The following PEMT variants were observed in gnomAD, a reference collection of about 807,000 sequenced individuals.
PEMT encodes the protein phospholipid methyltransferase.
In PEMT, 23 loss-of-function variants were observed where a neutral mutation model predicts 27.4. The observed-to-expected ratio is 0.84, with a 90% CI of 0.60 to 1.19. The LOEUF (loss-of-function observed/expected upper bound fraction) is 1.19. PEMT is among the 50% of genes most tolerant of loss of function. The probability of loss-of-function intolerance (pLI) is 0.00; values close to 1 mark genes in which losing one functional copy is unlikely to be tolerated. For synonymous variants in PEMT, 137 were observed against 139.1 expected (o/e 0.98, Z 0.11); for missense variants, 307 against 310.1 (o/e 0.99, Z 0.07).
chr17:17,569,395 C>T (rs1451874683), intron 2 of PEMT, among the ~76,000 whole-genome samples: 1 of 152,146 alleles, frequency 6.6e-6, no homozygotes, highest in Non-Finnish European at 1.5e-5. Context: ...AGGGGAGGAG[C>T]TGCACACTGA....
chr17:17,522,205 G>T (rs1359380196), intron 3 of PEMT, 75 bp downstream of exon 3: 2 of 1,071,856 alleles, frequency 1.9e-6, no homozygotes, highest in Non-Finnish European at 2.9e-6. Context: ...GCGTGGTGAG[G>T]GATGAGGTAC....
intron 3 of PEMT, among the ~76,000 whole-genome samples, chr17:17,521,688 T>C (rs12935886): frequency 0.61 from 92,216 of 151,928 alleles, 28,790 homozygotes; most frequent in African/African-American, 0.74. Context: ...CCTCAGCCTC[T>C]CGAGTAGCTG....
intron 5 of PEMT, chr17:17,507,096 C>G: frequency 6.9e-7 from 1 of 1,449,272 alleles, no homozygotes; most frequent in Non-Finnish European, 9.5e-7. Context: ...CACCAAGGAG[C>G]CCGGGCGCAG....
chr17:17,528,590 C>A (rs1907866267), intron 2 of PEMT, among the ~76,000 whole-genome samples: 1 of 152,230 alleles, frequency 6.6e-6, no homozygotes, highest in Non-Finnish European at 1.5e-5. Context: ...CCCCAGGGTA[C>A]CTGTAGGTGA....
chr17:17,552,445 G>A (rs1481041578), intron 2 of PEMT, among the ~76,000 whole-genome samples: 2 of 152,178 alleles, frequency 1.3e-5, no homozygotes, highest in Non-Finnish European at 2.9e-5. Context: ...TGCCTGAAAC[G>A]GCCACCACCG....
chr17:17,586,264 GAAAGAAAGAAAGAAAGAAAGAAAGAA>G (rs1912283320), intron 1 of PEMT, among the ~76,000 whole-genome samples: 11 of 109,756 alleles, frequency 1.0e-4, no homozygotes, highest in African/African-American at 1.2e-4. Flanking sequence ...AAGAAAGAAA[GAAAGAAAGAAAGAAAGAAAGAAAGAA>G]AAAAAAAAAC....
At chr17:17,548,562 T>C (rs2142633355) in intron 2 of PEMT, among the ~76,000 whole-genome samples, 1 of 152,316 alleles carries the variant, frequency 6.6e-6, no homozygotes, top group East Asian at 1.9e-4. Context: ...GGTCTTTTTT[T>C]TTTGAGACGC....
chr17:17,512,517 G>T lies in PEMT; in HGVS notation c.458C>A (p.Thr153Asn). 6.2e-7 allele frequency: 1 copy of T among 1,600,112 alleles called. No homozygotes were observed. The highest frequency in any genetic ancestry group is 1.7e-4 in the Middle Eastern group (1 of 6,018). ...SSFFALGFAG[T>N]FLGDYFGILK... ...AGCCCTCAGGGTCTTACCTAGGAAA[G>T]TTCCAGCGAACCCCAGTGCAAAGAA... Residue 153 changes from threonine (T) to asparagine (N), a missense_variant, in exon 4 of 7, where the codon ACT (threonine) becomes AAT (asparagine). Coordinates refer to ENST00000255389, the MANE Select transcript of PEMT (RefSeq NM_148172.3). This position sits in a 1 kb window ranked among gnomAD's most constrained non-coding sequence, Gnocchi z 6.3.
intron 3 of PEMT, among the ~76,000 whole-genome samples, chr17:17,517,431 G>A (rs964553967): frequency 6.6e-5 from 10 of 152,124 alleles, no homozygotes; most frequent in Non-Finnish European, 1.2e-4. Flanking sequence ...TTGCTCCATC[G>A]GAAGCAAACT....
At chr17:17,511,787 T>G (rs1284815896) in intron 4 of PEMT, among the ~76,000 whole-genome samples, 1 of 151,898 alleles carries the variant, frequency 6.6e-6, no homozygotes, top group Non-Finnish European at 1.5e-5. Context: ...GGCCCCCTCT[T>G]GTCCCCCACC....
intron 2 of PEMT, among the ~76,000 whole-genome samples, chr17:17,563,685 G>A (rs1397116390): frequency 6.6e-6 from 1 of 152,206 alleles, no homozygotes; most frequent in Admixed American, 6.5e-5. Flanking sequence ...GGACCGCTGT[G>A]TGCCTGGAGC....
At chr17:17,509,675 CAG>C (rs1906205469) in intron 4 of PEMT, 130 bp from the exon 5 acceptor site, 7 of 687,256 alleles carry the variant, frequency 1.0e-5, no homozygotes, top group Admixed American at 2.6e-5. Flanking sequence ...CAGGAGACTT[CAG>C]AGAGTTCAAC....
chr17:17,506,879 C>T (rs1489952352), intron 5 of PEMT: 4 of 474,174 alleles, frequency 8.4e-6, no homozygotes, highest in Non-Finnish European at 1.5e-5. Context: ...CAGCCCTCAA[C>T]ACCTAGCCCA....
chr17:17,529,010 G>A (rs966011033), intron 2 of PEMT, among the ~76,000 whole-genome samples: 9 of 152,248 alleles, frequency 5.9e-5, no homozygotes, highest in African/African-American at 2.2e-4. Flanking sequence ...AGCGGGGCCT[G>A]GACCCCTCTC....
intron 2 of PEMT, among the ~76,000 whole-genome samples, chr17:17,549,212 C>T (rs550985763): frequency 7.2e-5 from 11 of 152,032 alleles, no homozygotes; most frequent in Middle Eastern, 3.4e-3. Flanking sequence ...ATTTTTGAGA[C>T]GGAGTCTCAC....
intron 1 of PEMT, among the ~76,000 whole-genome samples, chr17:17,579,527 A>C (rs1911851256): frequency 6.6e-6 from 1 of 151,990 alleles, no homozygotes. Flanking sequence ...AAAACACAAA[A>C]ATTAGCTGGG....
intron 2 of PEMT, among the ~76,000 whole-genome samples, chr17:17,536,857 C>T (rs776710319): frequency 1.3e-5 from 2 of 152,222 alleles, no homozygotes; most frequent in Non-Finnish European, 2.9e-5. Context: ...CTACTCAGGG[C>T]GGCTCTGGTT....
At chr17:17,584,425 C>T (rs1195625007) in intron 1 of PEMT, among the ~76,000 whole-genome samples, 10 of 152,132 alleles carry the variant, frequency 6.6e-5, no homozygotes, top group Non-Finnish European at 1.5e-4. Flanking sequence ...TCCCAAAGTG[C>T]CGAGGGATTA....
At chr17:17,565,733 G>A (rs565803798) in intron 2 of PEMT, among the ~76,000 whole-genome samples, 1 of 152,384 alleles carries the variant, frequency 6.6e-6, no homozygotes, top group Non-Finnish European at 1.5e-5. Flanking sequence ...GGCTGACTCC[G>A]CACTTCTGGA....
Sources: gnomAD v4.1 joint callset for allele counts (sites outside exome capture counted in the v4.1 genomes callset) on GRCh38, gnomAD v4.1.1 for gene constraint, Gnocchi (gnomAD v3.1) non-coding constraint, MANE v1.5 for transcripts, NCBI Gene and HGNC (gene_info 2026-07-23, HGNC 2026-07-21) for gene names.